ERO1A: variants seen among roughly 807,000 people sequenced by gnomAD.
The protein encoded by ERO1A is endoplasmic reticulum oxidoreductase 1 alpha.
Under a neutral mutation model 76.9 loss-of-function variants are expected in ERO1A, and 49 were observed. The ratio of observed to expected loss-of-function variants is 0.64; its 90% confidence interval spans 0.51 to 0.81. The LOEUF is 0.81. Ranked by LOEUF, ERO1A falls within the 30% of genes least tolerant of loss-of-function variation. ERO1A has a pLI of 0.00. For missense variants in ERO1A, 448 were observed against 542.1 expected, an observed-to-expected ratio of 0.83 and a Z score of 1.72; for synonymous variants, 174 against 181.2, an observed-to-expected ratio of 0.96 and a Z score of 0.32.
At chr14:52,678,367 C>A (rs1036804375) in intron 4 of ERO1A, 67 bp downstream of exon 4, 3 of 1,315,126 alleles carry the variant, frequency 2.3e-6, no homozygotes, top group Admixed American at 1.8e-5. Context: ...ATAGTAGGTA[C>A]AACGGAAATG....
Position 52,663,830 on chromosome 14 carries a change from C to A in ERO1A, c.647G>T (p.Arg216Ile). Residue 216 changes from arginine (R) to isoleucine (I), a missense_variant, in exon 8 of 16, where the codon AGA becomes ATA. By Grantham distance (97) the Arg-to-Ile change is moderately conservative. Transcript: ENST00000395686. The stretch of plus-strand genomic sequence containing the variant: ...ACCAGAAGCCAAAGGATTTAAAGGT[C>A]TTTTAATTGTCTGTGGCCTAGAAGT... Reference protein sequence around the residue: ...ENCFKPQTIKRPLNPLASGQG... With the variant: ...ENCFKPQTIKIPLNPLASGQG... 1 of 1,564,856 alleles carries A rather than the reference C, an allele frequency of 6.4e-7. No individual in the cohort carries two copies. Among genetic ancestry groups the A allele is most frequent in the South Asian group, 1.1e-5 (1 of 88,966 alleles).
chr14:52,664,195 G>A (rs1478332492), intron 7 of ERO1A: 2 of 157,186 alleles, frequency 1.3e-5, no homozygotes, highest in African/African-American at 4.8e-5. Flanking sequence ...ATGGCACAAA[G>A]TGTACCCCTA....
chr14:52,686,692 A>G (rs144604067), intron 1 of ERO1A, among the ~76,000 whole-genome samples: 13 of 152,284 alleles, frequency 8.5e-5, no homozygotes, highest in African/African-American at 3.1e-4. Flanking sequence ...CCTAGCCAAC[A>G]TGGTGAAACC....
chr14:52,650,904 C>T (rs747329095), intron 13 of ERO1A, among the ~76,000 whole-genome samples: 1 of 152,110 alleles, frequency 6.6e-6, no homozygotes, highest in South Asian at 2.1e-4. Context: ...GACCGCATTC[C>T]GTGGGGTATG....
Position 52,683,855 on chromosome 14 carries a change from A to T in ERO1A, c.167T>A (p.Phe56Tyr), listed in dbSNP as rs1374627125. 22 of 1,587,506 alleles carry T rather than the reference A, an allele frequency of 1.4e-5. No homozygotes were observed. Among genetic ancestry groups the T allele is most frequent in the Non-Finnish European group, 1.9e-5 (22 of 1,160,528 alleles). Residue 56 changes from phenylalanine (F) to tyrosine (Y), a missense_variant, in exon 2 of 16, where the codon TTT becomes TAT. Coordinates refer to ENST00000395686, the MANE Select transcript of ERO1A (RefSeq NM_014584.3). ...TCTTGGGAAAAGCCTGTAGTTATTA[A>T]ATCTATCAATGGTTTCAACATCACA... ...CTCDVETIDR[F>Y]NNYRLFPRLQ...
intron 6 of ERO1A, among the ~76,000 whole-genome samples, chr14:52,668,871 G>A (rs2040505848): frequency 6.6e-6 from 1 of 150,498 alleles, no homozygotes; most frequent in South Asian, 2.1e-4. Flanking sequence ...GAATTTTTAT[G>A]ATGCGCTGGT....
chr14:52,679,130 C>T (rs1443288793), intron 3 of ERO1A, among the ~76,000 whole-genome samples: 2 of 152,120 alleles, frequency 1.3e-5, no homozygotes, highest in African/African-American at 2.4e-5. Flanking sequence ...GCCAAGCAGA[C>T]GCTGGCACCA....
chr14:52,650,480 T>A (rs2039818942), intron 13 of ERO1A, among the ~76,000 whole-genome samples: 1 of 132,252 alleles, frequency 7.6e-6, no homozygotes, highest in Middle Eastern at 3.7e-3. Flanking sequence ...GTACTAATTT[T>A]AAACCTACTT....
chr14:52,687,165 T>C (rs2145954), intron 1 of ERO1A, among the ~76,000 whole-genome samples: 46,787 of 152,096 alleles, frequency 0.31, 7,571 homozygotes, highest in South Asian at 0.45. Flanking sequence ...CTCAGGCTCA[T>C]GCCTGTAATC....
intron 1 of ERO1A, among the ~76,000 whole-genome samples, chr14:52,689,460 T>C (rs551147864): frequency 1.3e-5 from 2 of 151,994 alleles, no homozygotes; most frequent in South Asian, 2.1e-4. Context: ...AAAATCAACA[T>C]ACAAAAATCA....
intron 11 of ERO1A, 89 bp from the exon 12 acceptor site, chr14:52,653,404 ATTTCAT>A: frequency 9.6e-7 from 1 of 1,039,722 alleles, no homozygotes; most frequent in South Asian, 2.5e-5. Flanking sequence ...ATAGAAGTTA[ATTTCAT>A]TTTGCATTTT....
intron 1 of ERO1A, 86 bp downstream of exon 1, chr14:52,695,282 C>A: frequency 4.3e-6 from 4 of 920,672 alleles, no homozygotes; most frequent in Non-Finnish European, 5.8e-6. Flanking sequence ...GGACGCACCC[C>A]CAGCCGCTCA....
At chr14:52,686,548 G>A (rs1454146949) in intron 1 of ERO1A, among the ~76,000 whole-genome samples, 1 of 151,098 alleles carries the variant, frequency 6.6e-6, no homozygotes, top group Non-Finnish European at 1.5e-5. Context: ...ACCTCAAAGG[G>A]AAAGAAGGCA....
chr14:52,672,094 C>T (rs2040619314), intron 4 of ERO1A: 2 of 377,740 alleles, frequency 5.3e-6, no homozygotes, highest in Non-Finnish European at 9.4e-6. Flanking sequence ...CACCTGAAGT[C>T]AGGAGTTTGA....
Position 52,639,942 on chromosome 14 carries a change from C to G in ERO1A, c.*3628G>C, listed in dbSNP as rs576616413. ...GAATACAATTTCAGCTTTATTGACCCCCTAAAGTCTACAAATCCTTGGGAC... is the reference window on the plus strand; with the variant it reads ...GAATACAATTTCAGCTTTATTGACCGCCTAAAGTCTACAAATCCTTGGGAC... On this transcript the variant is annotated 3_prime_UTR_variant, in exon 16 of 16. Transcript: ENST00000395686. 1 of 152,122 alleles carries G rather than the reference C, an allele frequency of 6.6e-6. No individual in the cohort carries two copies. The highest frequency in any genetic ancestry group is 2.1e-4 in the South Asian group (1 of 4,834). 9.4% of individuals were successfully genotyped at this position (152,122 alleles called of 1,614,324 possible).
chr14:52,652,973 C>A (rs1428987569), intron 12 of ERO1A, 96 bp downstream of exon 12: 3 of 834,752 alleles, frequency 3.6e-6, no homozygotes, highest in Admixed American at 2.7e-5. Flanking sequence ...CCAGCCTGGG[C>A]AACAGAGGGA....
chr14:52,677,584 G>T (rs1455920304), intron 4 of ERO1A, among the ~76,000 whole-genome samples: 1 of 152,062 alleles, frequency 6.6e-6, no homozygotes, highest in East Asian at 1.9e-4. Flanking sequence ...AAGAAATCTG[G>T]CCTGGTGTGG....
chr14:52,679,822 G>A (rs887806367), intron 3 of ERO1A, among the ~76,000 whole-genome samples: 14 of 152,210 alleles, frequency 9.2e-5, no homozygotes, highest in South Asian at 2.1e-4. Context: ...ATGCCAAGGC[G>A]GGTGGATCAT....
chr14:52,689,424 A>G (rs964274580), intron 1 of ERO1A, among the ~76,000 whole-genome samples: 6 of 152,238 alleles, frequency 3.9e-5, no homozygotes, highest in Non-Finnish European at 8.8e-5. Flanking sequence ...AACCATTAGA[A>G]TAAATTCAGC....
Sources: allele counts gnomAD v4.1 joint callset (sites outside exome capture counted in the v4.1 genomes callset), GRCh38; gene constraint gnomAD v4.1.1; transcripts MANE v1.5; gene names NCBI Gene and HGNC (gene_info 2026-07-23, HGNC 2026-07-21).